The following NTNG1 variants were observed in gnomAD, a reference collection of about 807,000 sequenced individuals.
The protein encoded by NTNG1 is netrin G1.
Under a neutral mutation model 54.0 loss-of-function variants are expected in NTNG1, and 16 were observed. The observed-to-expected ratio is 0.30, with a 90% CI of 0.20 to 0.45. The LOEUF is 0.45. NTNG1 is among the 20% of genes least tolerant of loss of function. NTNG1 has a pLI of 1.00. For missense variants in NTNG1, 530 were observed against 678.7 expected, an observed-to-expected ratio of 0.78 and a Z score of 2.43; for synonymous variants, 255 against 263.1, an observed-to-expected ratio of 0.97 and a Z score of 0.30.
chr1:107,438,100 T>A (rs1203684551), intron 7 of NTNG1, among the ~76,000 whole-genome samples: 1 of 120,616 alleles, frequency 8.3e-6, no homozygotes, highest in African/African-American at 3.1e-5. Flanking sequence ...CTATACAATA[T>A]TATAGAATGT....
rs539315625 is a variant in NTNG1 at position 107,443,072 on chromosome 1, G to A, written c.1390+6273G>A. 4.7e-4 allele frequency among the ~76,000 whole-genome samples: 71 copies of A among 152,176 alleles called. No homozygotes were observed. The South Asian group carries it at 0.011, about 23-fold the overall frequency. ...CTTTCTGGAGAGTTTTGGCTTAAACGAGAAATTGAGTGAAAACTCTTTAGG... is the reference window on the plus strand; with the variant it reads ...CTTTCTGGAGAGTTTTGGCTTAAACAAGAAATTGAGTGAAAACTCTTTAGG... On this transcript the variant is annotated intron_variant, in intron 7 of 7. Transcript: ENST00000370068.
In NTNG1 at chr1:107,340,464, A is replaced by C. The variant is rs1267397904; in HGVS notation, c.887+15542A>C. Among the ~76,000 whole-genome samples, 3 of 152,100 alleles carry C rather than the reference A, an allele frequency of 2.0e-5. 1 individual carries two copies. The highest frequency in any genetic ancestry group is 2.9e-5 in the Non-Finnish European group (2 of 67,972). On this transcript the variant is annotated intron_variant, in intron 3 of 7. Coordinates refer to ENST00000370068, the MANE Select transcript of NTNG1 (RefSeq NM_001113226.3). The stretch of plus-strand genomic sequence containing the variant: ...AGGAGCCCTGCAGAAGCAAAAGAAT[A>C]TCTCTCAGGGTTACACATTTTATAT...
chr1:107,408,912 AG>A (rs1446881191), intron 5 of NTNG1: 4 of 152,186 alleles, frequency 2.6e-5, no homozygotes, highest in African/African-American at 9.6e-5. Context: ...ATAAATGCAC[AG>A]TCAGGTGTCC....
chr1:107,476,889 C>T (rs1302157584), intron 7 of NTNG1, among the ~76,000 whole-genome samples: 1 of 152,216 alleles, frequency 6.6e-6, no homozygotes, highest in East Asian at 1.9e-4. Context: ...ATGCATCATT[C>T]ACTAATGTGT....
chr1:107,479,562 T>C (rs1678558609), intron 7 of NTNG1, among the ~76,000 whole-genome samples: 1 of 152,238 alleles, frequency 6.6e-6, no homozygotes, highest in Non-Finnish European at 1.5e-5. Flanking sequence ...AGAGGGGTTC[T>C]ATATATTAAA....
At chr1:107,261,713 G>T (rs1474264375) in intron 2 of NTNG1, among the ~76,000 whole-genome samples, 1 of 152,030 alleles carries the variant, frequency 6.6e-6, no homozygotes, top group Non-Finnish European at 1.5e-5. Context: ...CGTGGTGGCG[G>T]GTGCCTGTAG....
chr1:107,246,296 G>A (rs1662195700), intron 2 of NTNG1, among the ~76,000 whole-genome samples: 1 of 151,874 alleles, frequency 6.6e-6, no homozygotes, highest in Non-Finnish European at 1.5e-5. Flanking sequence ...CTTATGATGT[G>A]CCCACCTCGG....
At chr1:107,203,730 G>A (rs1000612603) in intron 2 of NTNG1, among the ~76,000 whole-genome samples, 2 of 151,058 alleles carry the variant, frequency 1.3e-5, no homozygotes, top group Non-Finnish European at 3.0e-5. Flanking sequence ...TTCAGACTTG[G>A]AATTTTTTAT....
chr1:107,282,395 G>C (rs1405724511), intron 2 of NTNG1, among the ~76,000 whole-genome samples: 1 of 152,058 alleles, frequency 6.6e-6, no homozygotes, highest in Non-Finnish European at 1.5e-5. Context: ...AGTGAGGTGG[G>C]TAGTGAATTT....
chr1:107,282,144 C>T (rs1324185858), intron 2 of NTNG1, among the ~76,000 whole-genome samples: 1 of 152,180 alleles, frequency 6.6e-6, no homozygotes, highest in South Asian at 2.1e-4. Context: ...AATCATTTCT[C>T]ACAGTGGAAG....
At chr1:107,470,549 C>T (rs1442207838) in intron 7 of NTNG1, among the ~76,000 whole-genome samples, 3 of 152,188 alleles carry the variant, frequency 2.0e-5, no homozygotes, top group Non-Finnish European at 2.9e-5. Flanking sequence ...GCTGGATAAA[C>T]ATTTTGTATC....
intron 2 of NTNG1, among the ~76,000 whole-genome samples, chr1:107,198,090 T>C (rs1482156942): frequency 6.6e-6 from 1 of 152,000 alleles, no homozygotes; most frequent in Non-Finnish European, 1.5e-5. Flanking sequence ...ATTTAAAATG[T>C]TCTTGCTTCA....
intron 2 of NTNG1, among the ~76,000 whole-genome samples, chr1:107,206,683 T>C (rs1466646268): frequency 2.0e-5 from 3 of 152,146 alleles, no homozygotes; most frequent in Admixed American, 6.5e-5. Flanking sequence ...AAATCAAATA[T>C]GTAAGTTTTA....
intron 2 of NTNG1, among the ~76,000 whole-genome samples, chr1:107,166,694 AT>A (rs746484740): frequency 2.0e-4 from 30 of 150,268 alleles, no homozygotes; most frequent in African/African-American, 4.6e-4. Context: ...GGAGTTTTTA[AT>A]TTTTTTTTTA....
intron 2 of NTNG1, among the ~76,000 whole-genome samples, chr1:107,182,455 CATT>C (rs1225503156): frequency 6.6e-6 from 1 of 152,108 alleles, no homozygotes; most frequent in Non-Finnish European, 1.5e-5. Context: ...ATCAGCTCAT[CATT>C]ATTAAAAAGT....
chr1:107,270,917 A>T (rs1054345650), intron 2 of NTNG1, among the ~76,000 whole-genome samples: 2 of 152,144 alleles, frequency 1.3e-5, no homozygotes, highest in African/African-American at 4.8e-5. Flanking sequence ...AATACACAAC[A>T]TATAGGATGA....
At chr1:107,185,439 C>T (rs1363606563) in intron 2 of NTNG1, among the ~76,000 whole-genome samples, 1 of 145,950 alleles carries the variant, frequency 6.9e-6, no homozygotes, top group Non-Finnish European at 1.5e-5. Flanking sequence ...GCCTTCTTCA[C>T]TCTGTGTGTG....
At chr1:107,227,234 A>G (rs1660748263) in intron 2 of NTNG1, among the ~76,000 whole-genome samples, 1 of 152,100 alleles carries the variant, frequency 6.6e-6, no homozygotes, top group Non-Finnish European at 1.5e-5. Context: ...CCTAGTCCAG[A>G]GTGAGGGCTC....
intron 2 of NTNG1, among the ~76,000 whole-genome samples, chr1:107,200,176 T>C (rs1658635784): frequency 1.3e-5 from 2 of 151,840 alleles, no homozygotes. Context: ...GGGTGGGCTC[T>C]GTGGTTAGCT....
Sources: gnomAD v4.1 joint callset for allele counts (sites outside exome capture counted in the v4.1 genomes callset) on GRCh38, gnomAD v4.1.1 for gene constraint, MANE v1.5 for transcripts, NCBI Gene and HGNC (gene_info 2026-07-23, HGNC 2026-07-21) for gene names.